KCNIP1: variants seen among roughly 807,000 people sequenced by gnomAD.
The protein encoded by KCNIP1 is potassium voltage-gated channel interacting protein 1, also known as A-type potassium channel modulatory protein KCNIP1.
A neutral mutation model predicts 33.0 loss-of-function variants in KCNIP1; 18 were observed. The observed-to-expected ratio is 0.55, with a 90% CI of 0.38 to 0.81. The LOEUF is 0.81. Among genes scored for constraint, KCNIP1 ranks in the 30% least tolerant of loss-of-function variants. KCNIP1 has a pLI of 0.00. For synonymous variants in KCNIP1, 93 were observed against 98.3 expected, an observed-to-expected ratio of 0.95 and a Z score of 0.32; for missense variants, 238 against 271.6, an observed-to-expected ratio of 0.88 and a Z score of 0.87.
intron 1 of KCNIP1, among the ~76,000 whole-genome samples, chr5:170,491,456 C>CT (rs1757204895): frequency 6.6e-6 from 1 of 152,146 alleles, no homozygotes; most frequent in South Asian, 2.1e-4. Flanking sequence ...TCCCACCCCT[C>CT]TAACAGGATT....
At chr5:170,545,582 T>C (rs1460160840) in intron 1 of KCNIP1, among the ~76,000 whole-genome samples, 1 of 152,214 alleles carries the variant, frequency 6.6e-6, no homozygotes, top group Non-Finnish European at 1.5e-5. Context: ...TTCTCTCTGG[T>C]TTTAATTGGA....
chr5:170,548,105 C>T (rs1756482448), intron 1 of KCNIP1, among the ~76,000 whole-genome samples: 1 of 152,152 alleles, frequency 6.6e-6, no homozygotes, highest in African/African-American at 2.4e-5. Context: ...TTTTGATTTG[C>T]ATTTCTCACT....
intron 1 of KCNIP1, among the ~76,000 whole-genome samples, chr5:170,415,456 C>T (rs1217642284): frequency 6.6e-6 from 1 of 152,128 alleles, no homozygotes; most frequent in Non-Finnish European, 1.5e-5. Flanking sequence ...GCACCCCCCA[C>T]CCCCAGCCGT....
intron 1 of KCNIP1, among the ~76,000 whole-genome samples, chr5:170,700,546 G>A (rs921055875): frequency 1.3e-5 from 2 of 152,082 alleles, no homozygotes; most frequent in African/African-American, 4.8e-5. Flanking sequence ...TCCATTCTAG[G>A]CAACAGAGTG....
intron 1 of KCNIP1, among the ~76,000 whole-genome samples, chr5:170,371,534 C>T (rs944916706): frequency 4.6e-5 from 7 of 152,178 alleles, no homozygotes; most frequent in Non-Finnish European, 1.5e-5. Context: ...GATTTGAATT[C>T]CAGCTCTGCT....
chr5:170,505,419 T>C (rs1754679632), intron 1 of KCNIP1, among the ~76,000 whole-genome samples: 2 of 151,954 alleles, frequency 1.3e-5, no homozygotes, highest in Non-Finnish European at 2.9e-5. Context: ...AGTTCAAAAG[T>C]TAGTGGTTGG....
At chr5:170,710,731 G>C (rs1318191249) in intron 1 of KCNIP1, among the ~76,000 whole-genome samples, 1 of 152,122 alleles carries the variant, frequency 6.6e-6, no homozygotes, top group Non-Finnish European at 1.5e-5. Flanking sequence ...TTCCACCCCT[G>C]CATAGGAGAG....
intron 1 of KCNIP1, among the ~76,000 whole-genome samples, chr5:170,539,217 G>A (rs548725375): frequency 5.1e-4 from 77 of 152,122 alleles, no homozygotes; most frequent in African/African-American, 1.8e-3. Flanking sequence ...TTCATATGTC[G>A]GGTTGTCACT....
At chr5:170,586,067 T>A (rs571953275) in intron 1 of KCNIP1, among the ~76,000 whole-genome samples, 1 of 152,348 alleles carries the variant, frequency 6.6e-6, no homozygotes, top group East Asian at 1.9e-4. Context: ...TGCCTGAATC[T>A]CAGTGCCCCC....
At chr5:170,383,372 A>C in intron 1 of KCNIP1, 1 of 595,004 alleles carries the variant, frequency 1.7e-6, no homozygotes, top group Non-Finnish European at 3.0e-6. Flanking sequence ...CTTTATATAC[A>C]GCGTCTCTGA....
chr5:170,506,903 G>C (rs1258623599), intron 1 of KCNIP1, among the ~76,000 whole-genome samples: 1 of 152,228 alleles, frequency 6.6e-6, no homozygotes, highest in Non-Finnish European at 1.5e-5. Context: ...TTGCATAGTG[G>C]AATGCTAATC....
chr5:170,718,706 C>T lies in KCNIP1; in HGVS notation c.62-52C>T. The T allele has an allele frequency of 3.1e-6, 5 of 1,609,264 alleles. No homozygotes were observed. The South Asian group carries it at 5.5e-5, about 18-fold the overall frequency. ...TTTGACAGCCCAGATTGTTACCTAACAAGAATGACTCCCAAGCTCAACCAT... is the reference window on the plus strand; with the variant it reads ...TTTGACAGCCCAGATTGTTACCTAATAAGAATGACTCCCAAGCTCAACCAT... On this transcript the variant is annotated intron_variant, in intron 1 of 7. Transcript: ENST00000328939.
chr5:170,720,483 C>A, intron 3 of KCNIP1, 93 bp downstream of exon 3: 1 of 1,006,672 alleles, frequency 9.9e-7, no homozygotes, highest in Non-Finnish European at 1.6e-6. Flanking sequence ...CCATTTGCTT[C>A]CTTCTCGAGG....
chr5:170,682,792 T>TTTTTC (rs1554111102), intron 1 of KCNIP1, among the ~76,000 whole-genome samples: 18 of 132,074 alleles, frequency 1.4e-4, no homozygotes, highest in Admixed American at 3.9e-4. Flanking sequence ...TTCTTTTTTT[T>TTTTTC]TTTTTTTTTT....
chr5:170,363,585 A>T (rs1412041380), intron 1 of KCNIP1, among the ~76,000 whole-genome samples: 2 of 152,220 alleles, frequency 1.3e-5, no homozygotes, highest in Non-Finnish European at 2.9e-5. Flanking sequence ...GTGGGACAAT[A>T]GATTTTCGTT....
chr5:170,485,641 C>T lies in KCNIP1; in HGVS notation c.88+131677C>T, dbSNP rs551247097. On this transcript the variant is annotated intron_variant, in intron 1 of 7. Transcript: ENST00000377360. ...CCTCTCAGGGCTGAGCTTCACTTCC[C>T]TTCCCAAAGGGGCCAGGGAGAGGGG... 7.9e-4 allele frequency among the ~76,000 whole-genome samples: 121 copies of T among 152,350 alleles called. 1 individual carries two copies. Among genetic ancestry groups the T allele is most frequent in the Non-Finnish European group, 1.0e-3 (71 of 68,036 alleles).
At chr5:170,700,774 T>C (rs1763067985) in intron 1 of KCNIP1, among the ~76,000 whole-genome samples, 1 of 152,132 alleles carries the variant, frequency 6.6e-6, no homozygotes, top group Non-Finnish European at 1.5e-5. Flanking sequence ...AATAGAAATG[T>C]TCACATTTTA....
intron 1 of KCNIP1, among the ~76,000 whole-genome samples, chr5:170,442,280 C>A (rs192753987): frequency 8.5e-5 from 13 of 152,254 alleles, no homozygotes; most frequent in South Asian, 2.1e-4. Flanking sequence ...TAGCTGGGAG[C>A]CTTTGTGAAA....
At chr5:170,554,331 G>T (rs1297078143) in intron 1 of KCNIP1, among the ~76,000 whole-genome samples, 2 of 152,180 alleles carry the variant, frequency 1.3e-5, no homozygotes, top group African/African-American at 4.8e-5. Context: ...GGTACATTTT[G>T]CATGCCAGCT....
Sources: gnomAD v4.1 joint callset for allele counts (sites outside exome capture counted in the v4.1 genomes callset) on GRCh38, gnomAD v4.1.1 for gene constraint, MANE v1.5 for transcripts, NCBI Gene and HGNC (gene_info 2026-07-23, HGNC 2026-07-21) for gene names.